The following SOAT1 variants were observed in gnomAD, a reference collection of about 807,000 sequenced individuals.
SOAT1 encodes the protein acyl-coenzyme A:cholesterol acyltransferase 1.
A neutral mutation model predicts 69.5 loss-of-function variants in SOAT1; 55 were observed. The ratio of observed to expected loss-of-function variants is 0.79; its 90% confidence interval spans 0.64 to 0.99. The LOEUF is 0.99. Ranked by LOEUF, SOAT1 falls within the 50% of genes least tolerant of loss-of-function variation. SOAT1 has a pLI of 0.00. For synonymous variants in SOAT1, 231 were observed against 224.7 expected (o/e 1.03, Z -0.25); for missense variants, 580 against 669.3 (o/e 0.87, Z 1.47).
At chr1:179,297,293 A>T (rs1460158603) in intron 1 of SOAT1, among the ~76,000 whole-genome samples, 1 of 152,136 alleles carries the variant, frequency 6.6e-6, no homozygotes, top group Non-Finnish European at 1.5e-5. Flanking sequence ...TAATCAAATC[A>T]TAGCTATTAA....
At chr1:179,346,583 A>G (rs547040776) in intron 11 of SOAT1, among the ~76,000 whole-genome samples, 83 of 152,354 alleles carry the variant, frequency 5.4e-4, no homozygotes, top group Non-Finnish European at 8.5e-4. Flanking sequence ...AATGTTTACA[A>G]CACTTAGAGG....
At chr1:179,303,066 C>CG (rs1664890649) in intron 2 of SOAT1, among the ~76,000 whole-genome samples, 1 of 152,104 alleles carries the variant, frequency 6.6e-6, no homozygotes, top group Non-Finnish European at 1.5e-5. Flanking sequence ...CCGCTGGATG[C>CG]TGGGGCTATA....
chr1:179,339,986 A>G (rs1176773314), intron 6 of SOAT1, among the ~76,000 whole-genome samples: 2 of 152,264 alleles, frequency 1.3e-5, no homozygotes, highest in South Asian at 2.1e-4. Context: ...CAGATTTTTC[A>G]TATCTGTGGG....
chr1:179,353,093 TTA>T (rs1558061648), intron 15 of SOAT1, among the ~76,000 whole-genome samples: 1 of 140,718 alleles, frequency 7.1e-6, no homozygotes, highest in Non-Finnish European at 1.5e-5. Context: ...TATTAGTCAT[TTA>T]TATATGTGTA....
intron 1 of SOAT1, among the ~76,000 whole-genome samples, chr1:179,295,966 ATTTTTTTTTTTTTTTTTTTT>A (rs58893158): frequency 1.9e-5 from 1 of 51,982 alleles, no homozygotes; most frequent in East Asian, 5.1e-4. Context: ...CGCCCGGCTA[ATTTTTTTTTTTTTTTTTTTT>A]TTTTTTTTTT....
chr1:179,336,992 CAAA>C (rs34182074), intron 4 of SOAT1, among the ~76,000 whole-genome samples: 4 of 141,624 alleles, frequency 2.8e-5, no homozygotes, highest in Admixed American at 7.0e-5. Context: ...GAGACTGACT[CAAA>C]AAAAAAAAAA....
chr1:179,322,911 G>A (rs1665651927), intron 2 of SOAT1, among the ~76,000 whole-genome samples: 1 of 152,150 alleles, frequency 6.6e-6, no homozygotes, highest in Non-Finnish European at 1.5e-5. Context: ...ATTCTGTAAA[G>A]TATTGTCCTC....
intron 2 of SOAT1, among the ~76,000 whole-genome samples, chr1:179,321,326 C>T (rs1665593075): frequency 6.6e-6 from 1 of 151,920 alleles, no homozygotes; most frequent in Admixed American, 6.6e-5. Context: ...TCTTTTGAAC[C>T]ATTGTATTTT....
In SOAT1 at chr1:179,332,317, A is replaced by T. The variant is rs1665999586; in HGVS notation, c.178-3189A>T. On this transcript the variant is annotated intron_variant, in intron 3 of 15. Transcript: ENST00000367619. ...AAAATGGCTTAAAGGTCCATGATCT[A>T]GTCCCTACTTGCTTTTCCAGCCTTA... Among the ~76,000 whole-genome samples, 5 of 152,298 alleles carry T rather than the reference A, an allele frequency of 3.3e-5. No individual in the cohort carries two copies. The South Asian group carries it at 1.0e-3, about 32-fold the overall frequency.
intron 2 of SOAT1, among the ~76,000 whole-genome samples, chr1:179,321,291 C>T (rs569179857): frequency 1.3e-5 from 2 of 152,050 alleles, no homozygotes; most frequent in East Asian, 1.9e-4. Context: ...ATTCTTGGCA[C>T]GTTGGCATAG....
chr1:179,351,519 A>G (rs1365041426), intron 15 of SOAT1, 57 bp downstream of exon 15: 2 of 1,567,386 alleles, frequency 1.3e-6, no homozygotes, highest in African/African-American at 1.4e-5. Flanking sequence ...TGTTTGTGAG[A>G]GTTGGTGGGC....
In SOAT1 at chr1:179,353,622, C is replaced by G; in HGVS notation, c.1634C>G (p.Thr545Ser). 1.2e-6 allele frequency: 2 copies of G among 1,613,728 alleles called. No individual in the cohort carries two copies. Among genetic ancestry groups the G allele is most frequent in the Non-Finnish European group, 1.7e-6 (2 of 1,179,718 alleles). ...GATTATGTCCGGCCACGTTCCTGGA[C>G]TTGTCGTTACGTGTTTTAGAAGCTT... ...FLDYVRPRSW[T>S]CRYVF The change falls in exon 16 of 16, where the codon ACT (threonine) becomes AGT (serine). Residue 545 changes from threonine to serine, a missense_variant. By Grantham distance (58) the Thr-to-Ser change is moderately conservative. Transcript: ENST00000367619.
chr1:179,351,184 C>G (rs887939824), intron 14 of SOAT1, 133 bp from the exon 15 acceptor site: 2 of 685,024 alleles, frequency 2.9e-6, no homozygotes, highest in Non-Finnish European at 4.9e-6. Flanking sequence ...GCTGGGATTA[C>G]AGGCACACAC....
chr1:179,303,057 C>G (rs191371992), intron 2 of SOAT1, among the ~76,000 whole-genome samples: 1 of 152,092 alleles, frequency 6.6e-6, no homozygotes, highest in Non-Finnish European at 1.5e-5. Context: ...TGAGGTCCCC[C>G]GCTGGATGCT....
At chr1:179,332,556 C>T (rs552976106) in intron 3 of SOAT1, among the ~76,000 whole-genome samples, 9 of 152,178 alleles carry the variant, frequency 5.9e-5, no homozygotes, top group South Asian at 4.2e-4. Flanking sequence ...TCCCTTCTGC[C>T]GCTTCTCCCT....
rs1016892756 is a variant in SOAT1 at position 179,354,783 on chromosome 1, C to G, written c.*1142C>G. 6.6e-6 allele frequency: 1 copy of G among 152,054 alleles called. No individual in the cohort carries two copies. Among genetic ancestry groups the G allele is most frequent in the African/African-American group, 2.4e-5 (1 of 41,378 alleles). 9.4% of individuals were successfully genotyped at this position (152,054 alleles called of 1,614,324 possible). ...TAATACTTCCATTTTATAAGATGCC[C>G]ATTTCTAATACAATGTGTGTAGGAA... On this transcript the variant is annotated 3_prime_UTR_variant, in exon 16 of 16. Coordinates refer to ENST00000367619, the MANE Select transcript of SOAT1 (RefSeq NM_003101.6).
chr1:179,305,874 AC>A (rs35403556), intron 2 of SOAT1, among the ~76,000 whole-genome samples: 41,046 of 152,102 alleles, frequency 0.27, 5,719 homozygotes, highest in East Asian at 0.46. Context: ...TGCATAAGAT[AC>A]CCAAATAGAA....
intron 8 of SOAT1, 33 bp downstream of exon 8, chr1:179,342,225 TC>T (rs1159029925): frequency 6.8e-7 from 1 of 1,480,964 alleles, no homozygotes; most frequent in Admixed American, 1.7e-5. Flanking sequence ...TATTTCTTCC[TC>T]CCCTCCCCTC....
At chr1:179,302,160 T>C (rs1664852938) in intron 1 of SOAT1, among the ~76,000 whole-genome samples, 4 of 152,220 alleles carry the variant, frequency 2.6e-5, no homozygotes, top group Admixed American at 2.6e-4. Context: ...ATTTGTTATC[T>C]TGAGTATCTT....
Sources: gnomAD v4.1 joint callset for allele counts (sites outside exome capture counted in the v4.1 genomes callset) on GRCh38, gnomAD v4.1.1 for gene constraint, MANE v1.5 for transcripts, NCBI Gene and HGNC (gene_info 2026-07-23, HGNC 2026-07-21) for gene names.